Variants in GNG12 observed in about 807,000 individuals in gnomAD.
GNG12 encodes the protein G protein subunit gamma 12.
For missense variants in GNG12, 69 were observed against 83.8 expected, an observed-to-expected ratio of 0.82 and a Z score of 0.69; for synonymous variants, 28 against 29.7, an observed-to-expected ratio of 0.94 and a Z score of 0.19.
chr1:67,766,507 A>G (rs1646640820), intron 2 of GNG12, among the ~76,000 whole-genome samples: 1 of 152,180 alleles, frequency 6.6e-6, no homozygotes, highest in Non-Finnish European at 1.5e-5. Context: ...GGGCTTAATC[A>G]GCACAACCCT....
At chr1:67,817,111 C>T (rs1646957701) in intron 1 of GNG12, among the ~76,000 whole-genome samples, 1 of 152,046 alleles carries the variant, frequency 6.6e-6, no homozygotes, top group Non-Finnish European at 1.5e-5. Flanking sequence ...CAATATATTC[C>T]ACAGAGCAAA....
chr1:67,767,549 C>G (rs1646648480), intron 2 of GNG12, among the ~76,000 whole-genome samples: 1 of 152,194 alleles, frequency 6.6e-6, no homozygotes, highest in Non-Finnish European at 1.5e-5. Context: ...ATGCAACCCT[C>G]CTTCCAGACC....
At chr1:67,712,076 GCTC>G (rs1391571083) in intron 2 of GNG12, among the ~76,000 whole-genome samples, 21 of 152,344 alleles carry the variant, frequency 1.4e-4, no homozygotes, top group African/African-American at 4.8e-4. Context: ...CTGCTCTGCA[GCTC>G]CTCAACAGCT....
At chr1:67,827,118 A>G (rs1014076772) in intron 1 of GNG12, among the ~76,000 whole-genome samples, 5 of 152,232 alleles carry the variant, frequency 3.3e-5, no homozygotes, top group Admixed American at 6.5e-5. Flanking sequence ...ACTTCACTCC[A>G]GTGAGCATGT....
Position 67,833,327 on chromosome 1 carries a change from C to T in GNG12, c.-77+17G>A. On this transcript the variant is annotated intron_variant, in intron 1 of 3. Coordinates refer to ENST00000370982, the MANE Select transcript of GNG12 (RefSeq NM_018841.6). ...GGGGACCCGACTCACCACCCGCGCC[C>T]GCCGCTTGGTACTCACCCGCCTGCC... The T allele has an allele frequency of 1.0e-6, 1 of 959,904 alleles. No homozygotes were observed. Among genetic ancestry groups the T allele is most frequent in the Non-Finnish European group, 1.2e-6 (1 of 806,314 alleles). The allele number at this position is 959,904 out of a possible 1,614,324, so 59.5% of individuals were successfully genotyped here. A position where few individuals can be genotyped will look rare whatever the true frequency, so the allele number is the denominator to read the frequency against.
In GNG12 at chr1:67,751,658, C is replaced by G. The variant is rs182343321; in HGVS notation, c.-27+25800G>C. ...TGGGATACTTAGGTAACCTGAAAAGCCATACCTCGGCCCTTATTCCCATTC... is the reference window on the plus strand; with the variant it reads ...TGGGATACTTAGGTAACCTGAAAAGGCATACCTCGGCCCTTATTCCCATTC... On this transcript the variant is annotated intron_variant, in intron 2 of 3. Transcript: ENST00000370982. Among the ~76,000 whole-genome samples the G allele has an allele frequency of 1.6e-4, 24 of 152,302 alleles. No homozygotes were observed. In the East Asian group the frequency reaches 2.5e-3, roughly 16 times the overall value.
intron 2 of GNG12, among the ~76,000 whole-genome samples, chr1:67,751,180 TACAGAC>T (rs1484318519): frequency 1.3e-4 from 16 of 120,366 alleles, no homozygotes; most frequent in African/African-American, 6.3e-4. Flanking sequence ...TGGATACACA[TACAGAC>T]ACACACACAC....
At chr1:67,719,439 G>A (rs1472899312) in intron 2 of GNG12, among the ~76,000 whole-genome samples, 1 of 152,174 alleles carries the variant, frequency 6.6e-6, no homozygotes, top group Non-Finnish European at 1.5e-5. Flanking sequence ...AAAACTGTAT[G>A]CAAAATCTGG....
In GNG12 at chr1:67,827,424, G is replaced by GT. The variant is rs536310689; in HGVS notation, c.-77+5919dup. 4.7e-3 allele frequency among the ~76,000 whole-genome samples: 692 copies of GT among 146,780 alleles called. 1 individual carries two copies. The highest frequency in any genetic ancestry group is 6.0e-3 in the Non-Finnish European group (397 of 66,120). On this transcript the variant is annotated intron_variant, in intron 1 of 3. Transcript: ENST00000370982. ...ATTCTTAACAGTCTCCAACACTCCA[G>GT]TTTTTTTTTTTATTTTTTTAAGATG...
chr1:67,710,152 TTATATATATATAGTTA>T (rs1394089255), intron 2 of GNG12, among the ~76,000 whole-genome samples: 9 of 5,698 alleles, frequency 1.6e-3, no homozygotes, highest in African/African-American at 2.9e-3. Context: ...ATATATATAG[TTATATATATATAGTTA>T]TATATATATA....
intron 1 of GNG12, among the ~76,000 whole-genome samples, chr1:67,814,862 T>C (rs947003955): frequency 1.3e-5 from 2 of 152,266 alleles, no homozygotes; most frequent in Admixed American, 6.5e-5. Flanking sequence ...TGAGTTGTAC[T>C]GTCTTCTGTA....
At chr1:67,753,718 A>C (rs940620793) in intron 2 of GNG12, among the ~76,000 whole-genome samples, 2 of 152,290 alleles carry the variant, frequency 1.3e-5, no homozygotes, top group East Asian at 3.9e-4. Flanking sequence ...CACTTACTAA[A>C]GTGTTCGGTC....
intron 1 of GNG12, among the ~76,000 whole-genome samples, chr1:67,812,694 C>CTA (rs1432480396): frequency 6.6e-6 from 1 of 152,098 alleles, no homozygotes; most frequent in Admixed American, 6.5e-5. Flanking sequence ...TCCTAAATGT[C>CTA]TATAAAAGCT....
intron 1 of GNG12, among the ~76,000 whole-genome samples, chr1:67,818,882 C>T (rs558835117): frequency 1.2e-4 from 18 of 152,282 alleles, no homozygotes; most frequent in Admixed American, 7.2e-4. Context: ...CCGTTAAAAA[C>T]ATTCCCAAGC....
chr1:67,826,299 C>T lies in GNG12; in HGVS notation c.-77+7045G>A, dbSNP rs1647010136. 2.0e-5 allele frequency among the ~76,000 whole-genome samples: 3 copies of T among 152,206 alleles called. No individual in the cohort carries two copies. In the South Asian group the frequency reaches 6.2e-4, roughly 31 times the overall value. ...GGCTTGATAGCATCAGAAAGAAGTTCCCTTTTCTCCTAGCAGAGGCAATCC... is the reference window on the plus strand; with the variant it reads ...GGCTTGATAGCATCAGAAAGAAGTTTCCTTTTCTCCTAGCAGAGGCAATCC... On this transcript the variant is annotated intron_variant, in intron 1 of 3. Coordinates refer to ENST00000370982, the MANE Select transcript of GNG12 (RefSeq NM_018841.6).
At chr1:67,832,433 T>TA (rs758827147) in intron 1 of GNG12, 24 of 152,074 alleles carry the variant, frequency 1.6e-4, no homozygotes, top group Non-Finnish European at 2.5e-4. Context: ...ACGGCTTCCT[T>TA]ATCGTGAGTT....
intron 2 of GNG12, among the ~76,000 whole-genome samples, chr1:67,748,716 C>T (rs146551325): frequency 6.6e-4 from 100 of 152,270 alleles, no homozygotes; most frequent in Admixed American, 2.2e-3. Context: ...CAAAACTCTC[C>T]CCCAAACAAG....
At chr1:67,827,710 C>T (rs559045265) in intron 1 of GNG12, among the ~76,000 whole-genome samples, 25 of 151,802 alleles carry the variant, frequency 1.6e-4, no homozygotes, top group Non-Finnish European at 2.9e-4. Context: ...CAGGCGTGAG[C>T]GACTGCACCC....
At chr1:67,717,267 G>A (rs1357576160) in intron 2 of GNG12, among the ~76,000 whole-genome samples, 2 of 152,138 alleles carry the variant, frequency 1.3e-5, no homozygotes, top group Non-Finnish European at 2.9e-5. Context: ...TGTAATCCCA[G>A]CACTTTGGGA....
Sources: gnomAD v4.1 joint callset for allele counts (sites outside exome capture counted in the v4.1 genomes callset) on GRCh38, gnomAD v4.1.1 for gene constraint, MANE v1.5 for transcripts, NCBI Gene and HGNC (gene_info 2026-07-23, HGNC 2026-07-21) for gene names.